SYNPO2: variants seen among roughly 807,000 people sequenced by gnomAD.
The protein encoded by SYNPO2 is synaptopodin-2.
SYNPO2 carries 56 observed loss-of-function variants against 85.0 expected under a neutral mutation model. The observed-to-expected ratio is 0.66, with a 90% confidence interval of 0.53 to 0.82. The LOEUF (loss-of-function observed/expected upper bound fraction) is 0.82, where lower values mean the gene tolerates loss of function less well. SYNPO2 is among the 40% of genes least tolerant of loss of function. The pLI, the probability that SYNPO2 is intolerant of heterozygous loss-of-function variation, is 0.00. For synonymous variants in SYNPO2, 602 were observed against 591.1 expected (o/e 1.02, Z -0.27); for missense variants, 1,575 against 1,534.2 (o/e 1.03, Z -0.44).
intron 1 of SYNPO2, among the ~76,000 whole-genome samples, chr4:118,857,734 C>T (rs17259257): frequency 0.032 from 4,873 of 152,226 alleles, 131 homozygotes; most frequent in Non-Finnish European, 0.05. Flanking sequence ...AGAACGCTCT[C>T]GTACTAAGAG....
intron 3 of SYNPO2, among the ~76,000 whole-genome samples, chr4:119,029,231 C>T (rs544784893): frequency 6.6e-6 from 1 of 151,874 alleles, no homozygotes; most frequent in East Asian, 1.9e-4. Context: ...ATGATTAATT[C>T]AGTGTTTTGA....
Position 118,996,960 on chromosome 4 carries a change from G to GC in SYNPO2, c.106-26468dup, listed in dbSNP as rs1169398809. Among the ~76,000 whole-genome samples the GC allele has an allele frequency of 4.0e-5, 6 of 150,942 alleles. No individual in the cohort carries two copies. The East Asian group carries it at 1.2e-3, about 30-fold the overall frequency. ...TTGACAAAAATTTAAAAGAAAAAAG[G>GC]CCGGGCGCGGTGGCTCACGCCTGTA... On this transcript the variant is annotated intron_variant, in intron 1 of 4. Transcript: ENST00000307142.
chr4:118,872,813 C>T (rs915235744), intron 1 of SYNPO2, among the ~76,000 whole-genome samples: 2 of 152,046 alleles, frequency 1.3e-5, no homozygotes, highest in African/African-American at 4.8e-5. Context: ...TCTCATCATC[C>T]ACACCCTCTC....
intron 4 of SYNPO2, chr4:119,042,266 G>A (rs1738740790): frequency 7.5e-6 from 1 of 132,572 alleles, no homozygotes; most frequent in Non-Finnish European, 1.7e-5. Context: ...AGGGGGCCTT[G>A]AGACGTGATT....
intron 1 of SYNPO2, among the ~76,000 whole-genome samples, chr4:118,878,490 G>C (rs1037685658): frequency 1.3e-5 from 2 of 152,174 alleles, no homozygotes; most frequent in African/African-American, 4.8e-5. Flanking sequence ...GGGCTTCTGG[G>C]TCAGATGGGG....
At chr4:119,036,192 G>T (rs1177706082) in intron 4 of SYNPO2, 1 of 985,420 alleles carries the variant, frequency 1.0e-6, no homozygotes, top group Non-Finnish European at 1.2e-6. Flanking sequence ...TCATCAAAAA[G>T]AAATGATTGT....
chr4:119,042,054 C>A (rs1200908831), intron 4 of SYNPO2: 1 of 150,966 alleles, frequency 6.6e-6, no homozygotes, highest in African/African-American at 2.4e-5. Context: ...TTGTAAACTG[C>A]ACCTGCTTCC....
intron 1 of SYNPO2, among the ~76,000 whole-genome samples, chr4:118,916,158 A>G (rs76056029): frequency 4.0e-5 from 6 of 150,146 alleles, no homozygotes; most frequent in Non-Finnish European, 8.9e-5. Flanking sequence ...TAATATGTCA[A>G]ACTTAGGGTT....
intron 1 of SYNPO2, among the ~76,000 whole-genome samples, chr4:118,863,194 C>G (rs1478332105): frequency 6.6e-6 from 1 of 152,170 alleles, no homozygotes; most frequent in African/African-American, 2.4e-5. Flanking sequence ...TGGAAGTACT[C>G]CCTTCTCCTC....
intron 1 of SYNPO2, among the ~76,000 whole-genome samples, chr4:118,899,742 C>G (rs1393813447): frequency 6.6e-6 from 1 of 152,074 alleles, no homozygotes; most frequent in Non-Finnish European, 1.5e-5. Context: ...GTATTAAACC[C>G]TGGCTGTACT....
chr4:119,021,087 T>A (rs2149183949), intron 1 of SYNPO2, among the ~76,000 whole-genome samples: 1 of 152,294 alleles, frequency 6.6e-6, no homozygotes, highest in East Asian at 1.9e-4. Context: ...CAAGAGGTAA[T>A]GATATTGATG....
intron 1 of SYNPO2, among the ~76,000 whole-genome samples, chr4:118,920,609 G>C (rs959769777): frequency 6.6e-6 from 1 of 152,102 alleles, no homozygotes; most frequent in Non-Finnish European, 1.5e-5. Context: ...TCTCTAAACT[G>C]TAAAGTAATT....
upstream of SYNPO2, among the ~76,000 whole-genome samples, chr4:118,887,776 G>T (rs1204695397): frequency 1.2e-4 from 18 of 152,186 alleles, no homozygotes. Flanking sequence ...GAACCTATCT[G>T]TGACGTTTTA....
intron 1 of SYNPO2, among the ~76,000 whole-genome samples, chr4:118,911,087 A>T (rs1733120679): frequency 6.6e-6 from 1 of 152,202 alleles, no homozygotes; most frequent in South Asian, 2.1e-4. Flanking sequence ...TTTCTCACAC[A>T]TAAAAGATCT....
At chr4:118,933,234 A>G (rs954341737) in intron 1 of SYNPO2, among the ~76,000 whole-genome samples, 2 of 152,232 alleles carry the variant, frequency 1.3e-5, no homozygotes, top group South Asian at 4.1e-4. Flanking sequence ...GGAACAAGGT[A>G]GAACTTTAAG....
intron 4 of SYNPO2, chr4:119,032,949 T>C: frequency 1.8e-6 from 1 of 541,018 alleles, no homozygotes; most frequent in Non-Finnish European, 2.3e-6. Flanking sequence ...CCTCCCCAGT[T>C]ACTTAAGGAA....
intron 4 of SYNPO2, chr4:119,037,163 C>G: frequency 6.5e-7 from 1 of 1,545,566 alleles, no homozygotes; most frequent in Non-Finnish European, 8.7e-7. Flanking sequence ...GACCTACTTC[C>G]CAGCCTACCT....
At chr4:118,893,047 G>A (rs144670115) in intron 1 of SYNPO2, among the ~76,000 whole-genome samples, 12 of 152,234 alleles carry the variant, frequency 7.9e-5, no homozygotes, top group African/African-American at 2.9e-4. Context: ...AGATTTTAAT[G>A]TGTTTGAATA....
rs376467151 is a variant in SYNPO2 at position 118,900,663 on chromosome 4, TTC to T, written c.105+11562_105+11563del. 7.0e-3 allele frequency among the ~76,000 whole-genome samples: 539 copies of T among 77,492 alleles called. 4 individuals are homozygous for T. The highest frequency in any genetic ancestry group is 0.012 in the African/African-American group (220 of 18,950). The allele number at this position is 77,492 out of a possible 152,430, so 50.8% of individuals were successfully genotyped here. A position where few individuals can be genotyped will look rare whatever the true frequency, so the allele number is the denominator to read the frequency against. ...TTTGTAATCTTACCCTAGAATCTCT[TTC>T]TCTCTCTCTCTCTCTCTCTCTCTCT... On this transcript the variant is annotated intron_variant, in intron 1 of 4. Transcript: ENST00000307142.
Sources: allele counts gnomAD v4.1 joint callset (sites outside exome capture counted in the v4.1 genomes callset), GRCh38; gene constraint gnomAD v4.1.1; transcripts MANE v1.5; gene names NCBI Gene and HGNC (gene_info 2026-07-23, HGNC 2026-07-21).